The following TYW1 variants were observed in gnomAD, a reference collection of about 807,000 sequenced individuals.
TYW1 encodes S-adenosyl-L-methionine-dependent tRNA 4-demethylwyosine synthase TYW1.
TYW1 carries 46 observed loss-of-function variants against 96.2 expected under a neutral mutation model. The ratio of observed to expected loss-of-function variants is 0.48; its 90% CI spans 0.38 to 0.61. The LOEUF (loss-of-function observed/expected upper bound fraction) is 0.61, where lower values mean the gene tolerates loss of function less well. Ranked by LOEUF, TYW1 falls within the 20% of genes least tolerant of loss-of-function variation. The pLI is 0.00. For synonymous variants in TYW1, 274 were observed against 323.0 expected (o/e 0.85, Z 1.63); for missense variants, 684 against 909.6 (o/e 0.75, Z 3.19).
chr7:67,105,419 C>T (rs1167443753), intron 12 of TYW1, among the ~76,000 whole-genome samples: 1 of 152,212 alleles, frequency 6.6e-6, no homozygotes, highest in Non-Finnish European at 1.5e-5. Context: ...AGGTCTCAAG[C>T]CCTGCGTTGA....
At chr7:67,115,320 G>A (rs879751058) in intron 12 of TYW1, among the ~76,000 whole-genome samples, 22 of 151,672 alleles carry the variant, frequency 1.5e-4, no homozygotes, top group Admixed American at 1.4e-3. Flanking sequence ...CTCAGCAAAG[G>A]GGTGATGAGA....
intron 15 of TYW1, among the ~76,000 whole-genome samples, chr7:67,202,741 A>C (rs1254788982): frequency 3.9e-5 from 6 of 152,164 alleles, no homozygotes; most frequent in Non-Finnish European, 7.3e-5. Flanking sequence ...AAGAGAGTGC[A>C]AACTGCTGCA....
chr7:67,196,878 C>G (rs1400122816), intron 15 of TYW1, among the ~76,000 whole-genome samples: 1 of 152,112 alleles, frequency 6.6e-6, no homozygotes, highest in African/African-American at 2.4e-5. Context: ...CTGCTGAGTT[C>G]TGGACACCAG....
chr7:67,202,691 G>T (rs1800640538), intron 15 of TYW1, among the ~76,000 whole-genome samples: 1 of 152,098 alleles, frequency 6.6e-6, no homozygotes, highest in Non-Finnish European at 1.5e-5. Context: ...GCCACCGTAA[G>T]CCCAGCCTCA....
intron 12 of TYW1, among the ~76,000 whole-genome samples, chr7:67,111,996 G>A (rs1295221313): frequency 6.6e-6 from 1 of 151,112 alleles, no homozygotes; most frequent in Non-Finnish European, 1.5e-5. Context: ...CTACTCCGGA[G>A]GCTGAGGCAG....
intron 7 of TYW1, among the ~76,000 whole-genome samples, chr7:67,045,877 G>C (rs1429187219): frequency 6.6e-6 from 1 of 152,182 alleles, no homozygotes; most frequent in African/African-American, 2.4e-5. Flanking sequence ...TAGATGGAGA[G>C]AACAGTTATG....
At chr7:67,084,087 A>C (rs932657110) in intron 11 of TYW1, among the ~76,000 whole-genome samples, 2 of 152,262 alleles carry the variant, frequency 1.3e-5, no homozygotes, top group African/African-American at 4.8e-5. Flanking sequence ...TGCTGCATTC[A>C]GCCTGAAAGC....
At chr7:67,042,021 TTATATAATTATATTAGAATTAA>T (rs201439320) in intron 7 of TYW1, among the ~76,000 whole-genome samples, 42,609 of 145,594 alleles carry the variant, frequency 0.29, 6,362 homozygotes, top group Admixed American at 0.35. Context: ...TATATTAGAA[TTATATAATTATATTAGAATTAA>T]TATATAATTA....
intron 11 of TYW1, among the ~76,000 whole-genome samples, chr7:67,095,031 T>C (rs1243059247): frequency 1.2e-4 from 18 of 151,700 alleles, no homozygotes; most frequent in African/African-American, 2.2e-4. Flanking sequence ...CAGGGTCTTG[T>C]CCTGTTGCCT....
intron 15 of TYW1, among the ~76,000 whole-genome samples, chr7:67,205,386 C>CGG (rs528670735): frequency 7.6e-4 from 106 of 139,260 alleles, no homozygotes; most frequent in African/African-American, 1.5e-3. Flanking sequence ...AGGATGGAGG[C>CGG]GGGGGGGGGG....
In TYW1 at chr7:67,096,703, A is replaced by G. The variant is rs909837290; in HGVS notation, c.1385-1838A>G. 9.2e-5 allele frequency among the ~76,000 whole-genome samples: 14 copies of G among 152,048 alleles called. 1 individual carries two copies. In the South Asian group the frequency reaches 1.9e-3, roughly 20 times the overall value. ...CCAGGTATTAAGCCCAGTACCCATTAGTTGTTTTTCCTGATCCTCTCCCTT... is the reference window on the plus strand; with the variant it reads ...CCAGGTATTAAGCCCAGTACCCATTGGTTGTTTTTCCTGATCCTCTCCCTT... On this transcript the variant is annotated intron_variant, in intron 11 of 15. Coordinates refer to ENST00000359626, the MANE Select transcript of TYW1 (RefSeq NM_018264.4).
intron 13 of TYW1, among the ~76,000 whole-genome samples, chr7:67,120,500 C>T (rs1395818627): frequency 6.6e-5 from 10 of 152,218 alleles, no homozygotes; most frequent in South Asian, 4.1e-4. Context: ...GTTTTATGCC[C>T]GAAGTTAAAT....
chr7:67,128,499 C>T (rs1391471347), intron 13 of TYW1, among the ~76,000 whole-genome samples: 2 of 152,184 alleles, frequency 1.3e-5, no homozygotes, highest in Admixed American at 6.6e-5. Context: ...CCTGCCGTGT[C>T]AGAGCCTGGT....
chr7:67,034,085 A>C (rs1794754501), intron 7 of TYW1, among the ~76,000 whole-genome samples: 1 of 144,264 alleles, frequency 6.9e-6, no homozygotes, highest in Non-Finnish European at 1.5e-5. Flanking sequence ...AGTTTCATTT[A>C]ATTTATTTAT....
At chr7:67,234,534 T>C (rs1164436146) in intron 15 of TYW1, among the ~76,000 whole-genome samples, 1 of 151,970 alleles carries the variant, frequency 6.6e-6, no homozygotes, top group Admixed American at 6.6e-5. Context: ...CCTCCAGAAC[T>C]GTGAGAAAAG....
intron 15 of TYW1, among the ~76,000 whole-genome samples, chr7:67,217,376 G>T (rs1387671183): frequency 6.6e-6 from 1 of 152,014 alleles, no homozygotes; most frequent in Non-Finnish European, 1.5e-5. Flanking sequence ...CCTTCTAAGA[G>T]TCTTATAGTT....
intron 13 of TYW1, among the ~76,000 whole-genome samples, chr7:67,154,162 T>C (rs1372604976): frequency 6.6e-6 from 1 of 152,180 alleles, no homozygotes; most frequent in Non-Finnish European, 1.5e-5. Context: ...GACCTCATGA[T>C]CCACCTGCCT....
intron 13 of TYW1, among the ~76,000 whole-genome samples, chr7:67,131,032 G>A (rs1798056342): frequency 6.6e-6 from 1 of 151,304 alleles, no homozygotes; most frequent in African/African-American, 2.4e-5. Flanking sequence ...ATAAGTATTT[G>A]GTCAATGAGC....
At chr7:67,235,396 A>G (rs1262488781) in intron 15 of TYW1, among the ~76,000 whole-genome samples, 2 of 152,190 alleles carry the variant, frequency 1.3e-5, no homozygotes, top group Non-Finnish European at 2.9e-5. Context: ...TTTGACTGTC[A>G]TGCATGTTGA....
Sources: gnomAD v4.1 joint callset for allele counts (sites outside exome capture counted in the v4.1 genomes callset) on GRCh38, gnomAD v4.1.1 for gene constraint, MANE v1.5 for transcripts, NCBI Gene and HGNC (gene_info 2026-07-23, HGNC 2026-07-21) for gene names.